The following LAMA2 variants were observed in gnomAD, a reference collection of about 807,000 sequenced individuals.
LAMA2 encodes the protein laminin subunit alpha 2.
LAMA2 carries 269 observed loss-of-function variants against 364.8 expected under a neutral mutation model. That is an observed-to-expected ratio of 0.74 (90% confidence interval 0.67 to 0.82). The LOEUF (loss-of-function observed/expected upper bound fraction) is 0.82. LAMA2 is among the 40% of genes least tolerant of loss of function. The pLI is 0.00. For synonymous variants in LAMA2, 1,379 were observed against 1,370.6 expected, an observed-to-expected ratio of 1.01 and a Z score of -0.14; for missense variants, 3,807 against 3,873.2, an observed-to-expected ratio of 0.98 and a Z score of 0.45.
At chr6:129,457,333 G>A (rs1289435217) in intron 48 of LAMA2, among the ~76,000 whole-genome samples, 1 of 152,190 alleles carries the variant, frequency 6.6e-6, no homozygotes, top group South Asian at 2.1e-4. Flanking sequence ...TCATATAAAT[G>A]TATATGGTAC....
chr6:128,891,638 A>C (rs1776455947), intron 1 of LAMA2, among the ~76,000 whole-genome samples: 1 of 152,042 alleles, frequency 6.6e-6, no homozygotes, highest in Non-Finnish European at 1.5e-5. Context: ...TAACAACCTA[A>C]CATGACATTC....
At chr6:129,055,021 A>G (rs1166607618) in intron 2 of LAMA2, among the ~76,000 whole-genome samples, 1 of 150,954 alleles carries the variant, frequency 6.6e-6, no homozygotes, top group Non-Finnish European at 1.5e-5. Flanking sequence ...ATATTCAGCC[A>G]ATACTATCCA....
Position 129,471,374 on chromosome 6 carries a change from A to G in LAMA2, c.7301-1840A>G, listed in dbSNP as rs1459975155. ...TTACCTTTTGGGCCAGTGAATTTCA[A>G]TTCAATTGTGTTGCTGCTCTTTAAT... On this transcript the variant is annotated intron_variant, in intron 51 of 64. Coordinates refer to ENST00000421865, the MANE Select transcript of LAMA2 (RefSeq NM_000426.4). Among the ~76,000 whole-genome samples the G allele has an allele frequency of 2.6e-5, 4 of 151,948 alleles. No homozygotes were observed. In the East Asian group the frequency reaches 5.8e-4, roughly 22 times the overall value.
intron 21 of LAMA2, among the ~76,000 whole-genome samples, chr6:129,299,461 A>G (rs528951212): frequency 6.6e-6 from 1 of 152,264 alleles, no homozygotes; most frequent in East Asian, 1.9e-4. Context: ...TGTGTTATAC[A>G]TTGTGCTTTG....
At chr6:129,267,292 A>T in intron 16 of LAMA2, 73 bp downstream of exon 16, 2 of 1,020,480 alleles carry the variant, frequency 2.0e-6, no homozygotes, top group Non-Finnish European at 1.6e-6. Context: ...CAATTCAGCT[A>T]CTACCCTGGG....
At chr6:129,470,588 C>T (rs1783762289) in intron 51 of LAMA2, among the ~76,000 whole-genome samples, 1 of 151,738 alleles carries the variant, frequency 6.6e-6, no homozygotes, top group Non-Finnish European at 1.5e-5. Context: ...ATTATGGAAG[C>T]CAGAAGAAAT....
chr6:129,117,975 T>C (rs1776574025), intron 4 of LAMA2, among the ~76,000 whole-genome samples: 1 of 152,128 alleles, frequency 6.6e-6, no homozygotes, highest in Non-Finnish European at 1.5e-5. Context: ...TACTACAGGA[T>C]AGATTCTTTA....
chr6:129,500,462 C>T (rs1003621928), intron 58 of LAMA2, among the ~76,000 whole-genome samples: 6 of 152,116 alleles, frequency 3.9e-5, no homozygotes, highest in African/African-American at 9.7e-5. Context: ...CTGAGAATAC[C>T]GTTTTATTAA....
chr6:129,516,524 C>T lies in LAMA2; in HGVS notation c.*177C>T. 1.6e-6 allele frequency: 1 copy of T among 613,740 alleles called. No individual in the cohort carries two copies. Among genetic ancestry groups the T allele is most frequent in the Non-Finnish European group, 2.8e-6 (1 of 353,794 alleles). The allele number at this position is 613,740 out of a possible 1,614,324, so 38.0% of individuals were successfully genotyped here. On this transcript the variant is annotated 3_prime_UTR_variant, in exon 65 of 65. Transcript: ENST00000421865. ...GACTGAATTTTAATTCAAGTTCTTT[C>T]TCAAGTCTATAAATAATATTAAACT...
chr6:129,505,726 G>A (rs1786012297), intron 61 of LAMA2, among the ~76,000 whole-genome samples: 3 of 151,972 alleles, frequency 2.0e-5, no homozygotes, highest in Admixed American at 2.0e-4. Context: ...GAGACGGGGG[G>A]TTTCACTGTG....
At chr6:129,402,674 CAA>C (rs1462080361) in intron 39 of LAMA2, among the ~76,000 whole-genome samples, 187 bp downstream of exon 39, 1 of 152,122 alleles carries the variant, frequency 6.6e-6, no homozygotes, top group Non-Finnish European at 1.5e-5. Flanking sequence ...ACAGCAGCAT[CAA>C]AAGTCTGATT....
At chr6:129,068,778 A>G (rs546412319) in intron 3 of LAMA2, among the ~76,000 whole-genome samples, 1 of 152,364 alleles carries the variant, frequency 6.6e-6, no homozygotes, top group Admixed American at 6.5e-5. Flanking sequence ...AGCTTTATTT[A>G]GGAAAAGAGA....
rs1402630736 is a variant in LAMA2, at chr6:129,144,048, C to G, written c.787C>G (p.Pro263Ala). Residue 263 changes from proline (P) to alanine (A), a missense_variant, in exon 5 of 65, where the codon CCA (proline) becomes GCA (alanine). Around this residue, in one of 3 missense-constraint regions of LAMA2, gnomAD observed 394 missense variants for 403.5 expected, o/e 0.98. Transcript: ENST00000421865. ...ADLMMFAHKD[P>A]REIDPIVTRR... The stretch of plus-strand genomic sequence containing the variant: ...CTTGATGATGTTTGCTCACAAAGAC[C>G]CAAGAGAAATTGACCCCATTGTCAC... 6.2e-7 allele frequency: 1 copy of G among 1,612,386 alleles called. No individual in the cohort carries two copies. The highest frequency in any genetic ancestry group is 1.1e-5 in the South Asian group (1 of 91,038).
intron 3 of LAMA2, among the ~76,000 whole-genome samples, chr6:129,066,455 G>A (rs560471312): frequency 1.3e-5 from 2 of 152,210 alleles, no homozygotes; most frequent in Admixed American, 1.3e-4. Flanking sequence ...CAAATAAATG[G>A]GAAAACATCC....
intron 12 of LAMA2, among the ~76,000 whole-genome samples, chr6:129,195,817 A>T (rs960819179): frequency 9.2e-5 from 14 of 152,214 alleles, no homozygotes; most frequent in Admixed American, 9.2e-4. Context: ...GGCTACAGCT[A>T]TTCAGAAACA....
chr6:128,980,941 G>A (rs371762018), intron 1 of LAMA2, among the ~76,000 whole-genome samples: 1 of 152,160 alleles, frequency 6.6e-6, no homozygotes, highest in African/African-American at 2.4e-5. Context: ...ATTAATTGAT[G>A]TAAGATAGTA....
At position 129,144,053 on chromosome 6, in the gene LAMA2, A is replaced by G; in HGVS notation, c.792A>G (p.Arg264=). ...TGATGTTTGCTCACAAAGACCCAAGAGAAATTGACCCCATTGTCACCAGAA... is the reference window on the plus strand; with the variant it reads ...TGATGTTTGCTCACAAAGACCCAAGGGAAATTGACCCCATTGTCACCAGAA... ...DLMMFAHKDP[R]EIDPIVTRRY... is the part of the protein sequence containing the mutation. The change falls in exon 5 of 65, where the codon AGA becomes AGG. Residue 264 remains arginine (R), a synonymous_variant. Coordinates refer to ENST00000421865, the MANE Select transcript of LAMA2 (RefSeq NM_000426.4). The G allele has an allele frequency of 6.2e-7, 1 of 1,612,516 alleles. No individual in the cohort carries two copies. The highest frequency in any genetic ancestry group is 1.1e-5 in the South Asian group (1 of 91,050).
chr6:129,340,137 T>A (rs1472626907), intron 29 of LAMA2, among the ~76,000 whole-genome samples: 1 of 152,182 alleles, frequency 6.6e-6, no homozygotes, highest in African/African-American at 2.4e-5. Context: ...AACAAAGATC[T>A]TATGGGTCAT....
At chr6:129,107,931 C>G (rs1775926872) in intron 4 of LAMA2, among the ~76,000 whole-genome samples, 1 of 152,106 alleles carries the variant, frequency 6.6e-6, no homozygotes, top group South Asian at 2.1e-4. Flanking sequence ...CCTAGCAGTT[C>G]CTGCTGAAGC....
Sources: allele counts gnomAD v4.1 joint callset (sites outside exome capture counted in the v4.1 genomes callset), GRCh38; gene constraint gnomAD v4.1.1; regional missense constraint gnomAD v4.1.1; transcripts MANE v1.5; gene names NCBI Gene and HGNC (gene_info 2026-07-23, HGNC 2026-07-21).